The following ITGA8 variants were observed in gnomAD, a reference collection of about 807,000 sequenced individuals.
ITGA8 encodes the protein integrin alpha-8.
ITGA8 carries 91 observed loss-of-function variants against 142.3 expected under a neutral mutation model. The ratio of observed to expected loss-of-function variants is 0.64; its 90% CI spans 0.54 to 0.76. The LOEUF (loss-of-function observed/expected upper bound fraction) is 0.76. ITGA8 is among the 30% of genes least tolerant of loss of function. The pLI, the probability that ITGA8 is intolerant of heterozygous loss-of-function variation, is 0.00. For synonymous variants in ITGA8, 505 were observed against 485.2 expected, an observed-to-expected ratio of 1.04 and a Z score of -0.54; for missense variants, 1,406 against 1,327.7, an observed-to-expected ratio of 1.06 and a Z score of -0.92.
At chr10:15,551,331 CTTAGATGAGAATT>C (rs1833790218) in intron 26 of ITGA8, among the ~76,000 whole-genome samples, 1 of 151,810 alleles carries the variant, frequency 6.6e-6, no homozygotes, top group Non-Finnish European at 1.5e-5. Flanking sequence ...AGAGAGAAAT[CTTAGATGAGAATT>C]TCTAAGAAGA....
intron 9 of ITGA8, among the ~76,000 whole-genome samples, chr10:15,659,317 C>T (rs1404639405): frequency 6.6e-6 from 1 of 152,074 alleles, no homozygotes; most frequent in Non-Finnish European, 1.5e-5. Context: ...AAGTTGAATT[C>T]AAGAATACTG....
At chr10:15,704,859 A>G (rs1835228818) in intron 2 of ITGA8, among the ~76,000 whole-genome samples, 1 of 152,230 alleles carries the variant, frequency 6.6e-6, no homozygotes, top group South Asian at 2.1e-4. Flanking sequence ...TTGCCTCCCA[A>G]TAACACTTGA....
At chr10:15,632,528 C>A (rs1297827495) in intron 13 of ITGA8, among the ~76,000 whole-genome samples, 1 of 152,114 alleles carries the variant, frequency 6.6e-6, no homozygotes, top group Non-Finnish European at 1.5e-5. Flanking sequence ...AATAGTAATT[C>A]CCTCTTGGAA....
At chr10:15,679,987 T>G (rs1028438965) in intron 4 of ITGA8, among the ~76,000 whole-genome samples, 1 of 152,206 alleles carries the variant, frequency 6.6e-6, no homozygotes, top group Non-Finnish European at 1.5e-5. Context: ...AAATAATTAT[T>G]TCTTTCTTAT....
intron 2 of ITGA8, among the ~76,000 whole-genome samples, chr10:15,711,977 A>G (rs1010691769): frequency 2.6e-5 from 4 of 152,192 alleles, no homozygotes; most frequent in Admixed American, 2.6e-4. Flanking sequence ...ATTCTATAGC[A>G]GTCCATAGCT....
At chr10:15,643,065 A>G (rs1833899326) in intron 13 of ITGA8, among the ~76,000 whole-genome samples, 1 of 152,238 alleles carries the variant, frequency 6.6e-6, no homozygotes, top group South Asian at 2.1e-4. Context: ...TTCTCTGCTA[A>G]AAAACCTGGA....
At chr10:15,527,303 C>A (rs1833193652) in intron 28 of ITGA8, among the ~76,000 whole-genome samples, 1 of 152,094 alleles carries the variant, frequency 6.6e-6, no homozygotes, top group Non-Finnish European at 1.5e-5. Context: ...ATTCTGAAAA[C>A]CAAATGGGTT....
In ITGA8 at chr10:15,572,307, A is replaced by G; in HGVS notation, c.2541T>C (p.Ser847=). The G allele has an allele frequency of 6.2e-7, 1 of 1,614,086 alleles. No individual in the cohort carries two copies. Among genetic ancestry groups the G allele is most frequent in the Non-Finnish European group, 8.5e-7 (1 of 1,179,920 alleles). Residue 847 remains serine, a synonymous_variant, in exon 25 of 30, where the codon TCT becomes TCC. Coordinates refer to ENST00000378076, the MANE Select transcript of ITGA8 (RefSeq NM_003638.3). ...DTILEVGWPF[S]ARDEFLLYIF... ...TATAGAGAAGAAATTCATCCCGGGC[A>G]GAGAAAGGCCAGCCCACCTCCAGGA...
At chr10:15,662,469 G>A (rs1261913473) in intron 8 of ITGA8, among the ~76,000 whole-genome samples, 1 of 150,756 alleles carries the variant, frequency 6.6e-6, no homozygotes, top group East Asian at 2.0e-4. Flanking sequence ...TTCCTGAACA[G>A]CTGGGACCAC....
In ITGA8 at chr10:15,609,116, G is replaced by C. The variant is rs9333153; in HGVS notation, c.1554-826C>G. Among the ~76,000 whole-genome samples the C allele has an allele frequency of 2.0e-3, 308 of 152,200 alleles. 1 individual carries two copies. The highest frequency in any genetic ancestry group is 7.3e-3 in the African/African-American group (302 of 41,532). ...AAGGCAATGTCTGCACTGGCTTATAGGATGATCTGCACTTGGCTTTGGTCT... is the reference window on the plus strand; with the variant it reads ...AAGGCAATGTCTGCACTGGCTTATACGATGATCTGCACTTGGCTTTGGTCT... On this transcript the variant is annotated intron_variant, in intron 15 of 29. Transcript: ENST00000378076.
intron 23 of ITGA8, among the ~76,000 whole-genome samples, chr10:15,584,606 C>G (rs1212390050): frequency 4.6e-5 from 7 of 152,194 alleles, no homozygotes; most frequent in African/African-American, 1.7e-4. Flanking sequence ...TTAAATAGAG[C>G]ATACTCTCTG....
At chr10:15,570,755 CA>C (rs1834165385) in intron 25 of ITGA8, among the ~76,000 whole-genome samples, 1 of 151,578 alleles carries the variant, frequency 6.6e-6, no homozygotes, top group Non-Finnish European at 1.5e-5. Context: ...CAGTATGCCA[CA>C]AAAAAACAAA....
chr10:15,570,645 G>A (rs1056749261), intron 25 of ITGA8, among the ~76,000 whole-genome samples: 9 of 150,208 alleles, frequency 6.0e-5, no homozygotes. Flanking sequence ...GAGAATAAGT[G>A]GGGAGTAGGG....
chr10:15,642,615 T>C (rs917219944), intron 13 of ITGA8, among the ~76,000 whole-genome samples: 1 of 152,190 alleles, frequency 6.6e-6, no homozygotes, highest in Non-Finnish European at 1.5e-5. Context: ...CACCATTGAT[T>C]AGCATAATGT....
intron 2 of ITGA8, among the ~76,000 whole-genome samples, chr10:15,710,001 T>G (rs550784478): frequency 6.6e-6 from 1 of 152,334 alleles, no homozygotes; most frequent in South Asian, 2.1e-4. Context: ...GAGCTTTAAT[T>G]CTGATCTTTT....
chr10:15,703,555 A>G (rs1835203701), intron 2 of ITGA8, among the ~76,000 whole-genome samples: 2 of 152,246 alleles, frequency 1.3e-5, no homozygotes, highest in Admixed American at 1.3e-4. Context: ...AAGGGAAATG[A>G]TAAGTTATCT....
At chr10:15,675,996 A>G (rs1401422621) in intron 6 of ITGA8, among the ~76,000 whole-genome samples, 2 of 152,200 alleles carry the variant, frequency 1.3e-5, no homozygotes, top group Non-Finnish European at 1.5e-5. Flanking sequence ...TGGTAAAAAT[A>G]TCATGAAAAT....
At chr10:15,660,460 T>A (rs1834263424) in intron 9 of ITGA8, among the ~76,000 whole-genome samples, 1 of 152,254 alleles carries the variant, frequency 6.6e-6, no homozygotes, top group Admixed American at 6.5e-5. Flanking sequence ...TAAAGGAAGT[T>A]TTAAAAGACT....
At chr10:15,558,754 T>G (rs188151089) in intron 25 of ITGA8, among the ~76,000 whole-genome samples, 4 of 152,310 alleles carry the variant, frequency 2.6e-5, no homozygotes, top group Admixed American at 2.6e-4. Flanking sequence ...TTCGAAAGTC[T>G]GCTACATGTT....
Sources: gnomAD v4.1 joint callset for allele counts (sites outside exome capture counted in the v4.1 genomes callset) on GRCh38, gnomAD v4.1.1 for gene constraint, MANE v1.5 for transcripts, NCBI Gene and HGNC (gene_info 2026-07-23, HGNC 2026-07-21) for gene names.